SLC24A2: variants seen among roughly 807,000 people sequenced by gnomAD.
The protein encoded by SLC24A2 is sodium/potassium/calcium exchanger 2.
SLC24A2 carries 36 observed loss-of-function variants against 62.0 expected under a neutral mutation model. The ratio of observed to expected loss-of-function variants is 0.58; its 90% CI spans 0.44 to 0.77. SLC24A2 has a LOEUF of 0.77. Among genes scored for constraint, SLC24A2 ranks in the 30% least tolerant of loss-of-function variants. SLC24A2 has a pLI of 0.00. For missense variants in SLC24A2, 846 were observed against 817.9 expected, an observed-to-expected ratio of 1.03 and a Z score of -0.42; for synonymous variants, 358 against 294.0, an observed-to-expected ratio of 1.22 and a Z score of -2.23.
At chr9:20,232,479 G>A in the SLC24A2 span, among the ~76,000 whole-genome samples, 6,836 of 152,124 alleles carry the variant, frequency 0.045, 467 homozygotes, top group African/African-American at 0.15. Context: ...TGTACGTGTC[G>A]AGGAATTTAT....
chr9:20,002,184 G>T, the SLC24A2 span, among the ~76,000 whole-genome samples: 45 of 152,090 alleles, frequency 3.0e-4, no homozygotes, highest in Non-Finnish European at 5.6e-4. Context: ...AACATCGGAA[G>T]AGTAATAGTA....
At chr9:19,839,970 G>T in the SLC24A2 span, among the ~76,000 whole-genome samples, 1 of 152,296 alleles carries the variant, frequency 6.6e-6, no homozygotes, top group East Asian at 1.9e-4. Flanking sequence ...CCAGGTTTAT[G>T]TGAGTACACT....
chr9:19,818,792 A>C, the SLC24A2 span, among the ~76,000 whole-genome samples: 2 of 152,144 alleles, frequency 1.3e-5, no homozygotes, highest in African/African-American at 4.8e-5. Context: ...CTACAAATTC[A>C]ACACAGTCCC....
chr9:19,942,121 A>G, the SLC24A2 span, among the ~76,000 whole-genome samples: 8 of 152,178 alleles, frequency 5.3e-5, no homozygotes, highest in Non-Finnish European at 1.2e-4. Context: ...TGCATATTTT[A>G]TCTCATTTTG....
chr9:19,561,038 T>G (rs1477611983), intron 7 of SLC24A2, among the ~76,000 whole-genome samples: 1 of 151,640 alleles, frequency 6.6e-6, no homozygotes, highest in African/African-American at 2.4e-5. Context: ...GAATTCTCTT[T>G]CCTCAGCCTC....
chr9:19,734,053 G>A (rs1027610892), intron 2 of SLC24A2, among the ~76,000 whole-genome samples: 1 of 152,174 alleles, frequency 6.6e-6, no homozygotes, highest in South Asian at 2.1e-4. Context: ...AAATAGAACA[G>A]TTTAGGGATG....
At chr9:19,881,733 T>C in the SLC24A2 span, among the ~76,000 whole-genome samples, 2 of 152,278 alleles carry the variant, frequency 1.3e-5, no homozygotes, top group South Asian at 4.1e-4. Flanking sequence ...CAGAGTCAAA[T>C]TTGCACATGT....
At chr9:19,984,213 CTT>C in the SLC24A2 span, among the ~76,000 whole-genome samples, 1 of 149,770 alleles carries the variant, frequency 6.7e-6, no homozygotes, top group Non-Finnish European at 1.5e-5. Context: ...ATTCCAATGA[CTT>C]TTTTTTTTCA....
At chr9:19,597,483 AC>A (rs1321266945) in intron 4 of SLC24A2, among the ~76,000 whole-genome samples, 1 of 152,226 alleles carries the variant, frequency 6.6e-6, no homozygotes, top group Non-Finnish European at 1.5e-5. Context: ...ATATTATGCT[AC>A]CGGGGGTAGA....
intron 2 of SLC24A2, among the ~76,000 whole-genome samples, chr9:19,779,655 G>C (rs189563004): frequency 4.6e-4 from 70 of 151,458 alleles, no homozygotes; most frequent in Non-Finnish European, 6.9e-4. Flanking sequence ...AATGAGGAGG[G>C]GAAAAACCAG....
At chr9:19,865,861 G>C in the SLC24A2 span, among the ~76,000 whole-genome samples, 1 of 152,132 alleles carries the variant, frequency 6.6e-6, no homozygotes, top group East Asian at 1.9e-4. Flanking sequence ...ATCACAGCAA[G>C]TTAAAAAGCT....
rs190265289 is a variant in SLC24A2, at chr9:19,598,539, G to A, written c.1079-1260C>T. Among the ~76,000 whole-genome samples the A allele has an allele frequency of 5.0e-3, 759 of 152,032 alleles. 16 individuals carry two copies. Among genetic ancestry groups the A allele is most frequent in the Admixed American group, 0.012 (183 of 15,272 alleles). On this transcript the variant is annotated intron_variant, in intron 4 of 10. Coordinates refer to ENST00000341998, the MANE Select transcript of SLC24A2 (RefSeq NM_020344.4). The stretch of plus-strand genomic sequence containing the variant: ...AAAAATCACATGTTTATGTTTCTAC[G>A]AAGAGCTGCCTATTCTGGACACATT...
rs557344940 is a variant in SLC24A2 at position 19,724,831 on chromosome 9, C to T, written c.930+61106G>A. Among the ~76,000 whole-genome samples, 194 of 152,068 alleles carry T rather than the reference C, an allele frequency of 1.3e-3. 1 individual carries two copies. The highest frequency in any genetic ancestry group is 2.3e-3 in the Non-Finnish European group (158 of 68,004). ...TCAAACCTCTTTGAAACCAATAAGG[C>T]GTATTTCAAACACAAACACCAGTTA... is the stretch of plus-strand genomic sequence containing the variant. On this transcript the variant is annotated intron_variant, in intron 2 of 10. Transcript: ENST00000341998.
intron 2 of SLC24A2, among the ~76,000 whole-genome samples, chr9:19,731,774 A>G (rs1821345923): frequency 6.6e-6 from 1 of 152,216 alleles, no homozygotes; most frequent in African/African-American, 2.4e-5. Context: ...TACCAAGTAC[A>G]GGGTTGACAC....
the SLC24A2 span, among the ~76,000 whole-genome samples, chr9:19,890,569 C>G: frequency 1.3e-5 from 2 of 152,194 alleles, no homozygotes; most frequent in Non-Finnish European, 2.9e-5. Context: ...GACTTCTTCT[C>G]CTTTACTGAC....
chr9:20,168,149 G>A, the SLC24A2 span, among the ~76,000 whole-genome samples: 5 of 152,044 alleles, frequency 3.3e-5, no homozygotes, highest in East Asian at 9.7e-4. Flanking sequence ...CTATACTTAT[G>A]TATGTCTATC....
intron 2 of SLC24A2, among the ~76,000 whole-genome samples, chr9:19,652,573 G>A (rs1246950473): frequency 1.3e-5 from 2 of 152,066 alleles, no homozygotes; most frequent in Non-Finnish European, 2.9e-5. Flanking sequence ...AGATTGAAGA[G>A]GCAAAGAGAC....
chr9:19,574,017 G>A (rs1457111577), intron 6 of SLC24A2, among the ~76,000 whole-genome samples: 1 of 152,154 alleles, frequency 6.6e-6, no homozygotes, highest in African/African-American at 2.4e-5. Context: ...ACCCTGCTTT[G>A]ATCGGGTTGC....
At chr9:19,904,808 C>T in the SLC24A2 span, among the ~76,000 whole-genome samples, 6 of 152,148 alleles carry the variant, frequency 3.9e-5, no homozygotes, top group South Asian at 6.2e-4. Flanking sequence ...GTAGGAGATG[C>T]AGCTTAAAGC....
Sources: allele counts gnomAD v4.1 joint callset (sites outside exome capture counted in the v4.1 genomes callset), GRCh38; gene constraint gnomAD v4.1.1; transcripts MANE v1.5; gene names NCBI Gene and HGNC (gene_info 2026-07-23, HGNC 2026-07-21).